The following TMEM178B variants were observed in gnomAD, a reference collection of about 807,000 sequenced individuals.
TMEM178B encodes transmembrane protein 178B.
A neutral mutation model predicts 31.0 loss-of-function variants in TMEM178B; 5 were observed. The ratio of observed to expected loss-of-function variants is 0.16; its 90% CI spans 0.08 to 0.34. The LOEUF is 0.34. Ranked by LOEUF, TMEM178B falls within the 10% of genes least tolerant of loss-of-function variation. The pLI is 1.00. For missense variants in TMEM178B, 275 were observed against 400.3 expected, an observed-to-expected ratio of 0.69 and a Z score of 2.67; for synonymous variants, 164 against 164.0, an observed-to-expected ratio of 1.00 and a Z score of 0.00.
chr7:141,282,994 A>ACTT (rs1798390295), intron 2 of TMEM178B, among the ~76,000 whole-genome samples: 1 of 152,202 alleles, frequency 6.6e-6, no homozygotes, highest in African/African-American at 2.4e-5. Context: ...TTGGTACAAA[A>ACTT]GTAATTGTAC....
intron 2 of TMEM178B, among the ~76,000 whole-genome samples, chr7:141,361,938 A>G (rs530174733): frequency 1.3e-5 from 2 of 152,332 alleles, no homozygotes; most frequent in African/African-American, 4.8e-5. Flanking sequence ...ACAGACCACA[A>G]ATGGAAATTT....
chr7:141,476,283 C>G lies in TMEM178B; in HGVS notation c.*5497C>G, dbSNP rs765213191. 2.0e-5 allele frequency: 3 copies of G among 152,122 alleles called. No homozygotes were observed. Among genetic ancestry groups the G allele is most frequent in the Non-Finnish European group, 4.4e-5 (3 of 68,026 alleles). The allele number at this position is 152,122 out of a possible 1,614,324, so 9.4% of individuals were successfully genotyped here. ...GCTCCTTATTTTTCTTTACCTATTC[C>G]TAGACTTCCTTTTGTCTAGAGCCAG... On this transcript the variant is annotated 3_prime_UTR_variant, in exon 4 of 4. Transcript: ENST00000565468.
At chr7:141,305,171 C>A (rs73737741) in intron 2 of TMEM178B, among the ~76,000 whole-genome samples, 2,639 of 152,230 alleles carry the variant, frequency 0.017, 80 homozygotes, top group African/African-American at 0.06. Context: ...TTTCCAGCCT[C>A]GGGTTCTACC....
intron 2 of TMEM178B, among the ~76,000 whole-genome samples, chr7:141,332,095 G>A (rs1799309317): frequency 6.6e-6 from 1 of 152,100 alleles, no homozygotes; most frequent in Admixed American, 6.6e-5. Flanking sequence ...CTTCACATCT[G>A]TCATTCGAAG....
At chr7:141,452,296 A>G (rs1003025626) in intron 3 of TMEM178B, among the ~76,000 whole-genome samples, 1 of 152,126 alleles carries the variant, frequency 6.6e-6, no homozygotes, top group Admixed American at 6.5e-5. Flanking sequence ...CTTTCTCTAT[A>G]TACGTTATGC....
At chr7:141,225,694 C>A (rs1797331071) in intron 2 of TMEM178B, among the ~76,000 whole-genome samples, 1 of 152,198 alleles carries the variant, frequency 6.6e-6, no homozygotes, top group South Asian at 2.1e-4. Flanking sequence ...CCTACCCCAG[C>A]TACATCTGTC....
chr7:141,413,817 TTTG>T (rs1801047914), intron 2 of TMEM178B, among the ~76,000 whole-genome samples: 2 of 148,452 alleles, frequency 1.3e-5, no homozygotes, highest in Non-Finnish European at 3.0e-5. Context: ...TATTTTCCTC[TTTG>T]ATGTAAGAGC....
chr7:141,232,741 C>T (rs1797467414), intron 2 of TMEM178B, among the ~76,000 whole-genome samples: 1 of 152,174 alleles, frequency 6.6e-6, no homozygotes. Flanking sequence ...AGAAAGCTTT[C>T]CCTGGCTCCA....
intron 1 of TMEM178B, among the ~76,000 whole-genome samples, chr7:141,163,823 A>G (rs530390553): frequency 1.1e-4 from 17 of 152,338 alleles, no homozygotes; most frequent in African/African-American, 3.1e-4. Flanking sequence ...AGCAAACAGC[A>G]TATTTTAAGC....
At chr7:141,241,808 G>A (rs370397590) in intron 2 of TMEM178B, among the ~76,000 whole-genome samples, 29 of 151,990 alleles carry the variant, frequency 1.9e-4, no homozygotes, top group African/African-American at 7.0e-4. Flanking sequence ...AAAAAGGAAT[G>A]GGTTGACTTA....
At chr7:141,311,094 A>G (rs886634869) in intron 2 of TMEM178B, among the ~76,000 whole-genome samples, 2 of 152,262 alleles carry the variant, frequency 1.3e-5, no homozygotes, top group African/African-American at 4.8e-5. Context: ...CGGGAGCTGA[A>G]CAATGAGAAC....
intron 1 of TMEM178B, among the ~76,000 whole-genome samples, chr7:141,106,204 T>C (rs1263439436): frequency 6.6e-6 from 1 of 152,182 alleles, no homozygotes; most frequent in Non-Finnish European, 1.5e-5. Context: ...TAGTTGTTTT[T>C]TGACAGTTCC....
chr7:141,263,903 T>A (rs1798054807), intron 2 of TMEM178B, among the ~76,000 whole-genome samples: 1 of 152,204 alleles, frequency 6.6e-6, no homozygotes, highest in Admixed American at 6.5e-5. Flanking sequence ...TTATTACAGT[T>A]GAATAATACA....
chr7:141,138,019 G>C lies in TMEM178B; in HGVS notation c.382+63327G>C, dbSNP rs542273876. Among the ~76,000 whole-genome samples the C allele has an allele frequency of 1.1e-4, 16 of 151,934 alleles. 1 individual carries two copies. The highest frequency in any genetic ancestry group is 9.8e-4 in the Admixed American group (15 of 15,256). On this transcript the variant is annotated intron_variant, in intron 1 of 3. Coordinates refer to ENST00000565468, the MANE Select transcript of TMEM178B (RefSeq NM_001195278.2). ...GCATATTAGTAAAGATTTGTTTCTT[G>C]GCTTAAGGTGCTCTTATTTTCATGA...
At chr7:141,173,837 A>G (rs759387164) in intron 1 of TMEM178B, among the ~76,000 whole-genome samples, 1 of 152,178 alleles carries the variant, frequency 6.6e-6, no homozygotes, top group Non-Finnish European at 1.5e-5. Context: ...ACTCAACTCC[A>G]TATATAGACT....
intron 1 of TMEM178B, among the ~76,000 whole-genome samples, chr7:141,143,622 TTATAA>T: frequency 6.6e-6 from 1 of 152,348 alleles, no homozygotes; most frequent in East Asian, 1.9e-4. Flanking sequence ...TGCTGTAGGC[TTATAA>T]TATAGTTTAA....
chr7:141,088,049 G>T (rs1794816345), intron 1 of TMEM178B, among the ~76,000 whole-genome samples: 1 of 152,148 alleles, frequency 6.6e-6, no homozygotes, highest in Non-Finnish European at 1.5e-5. Context: ...TGGGCTGAAG[G>T]TCCCAGGTGG....
rs565828862 is a variant in TMEM178B, at chr7:141,236,342, G to A, written c.496+23638G>A. ...GAAAGAGAGGAGAAAGCAGGTGCTT[G>A]TGTGCAAGTGGGGTGGGGTTACCAG... On this transcript the variant is annotated intron_variant, in intron 2 of 3. Transcript: ENST00000565468. Among the ~76,000 whole-genome samples the A allele has an allele frequency of 9.2e-5, 14 of 152,292 alleles. No homozygotes were observed. In the South Asian group the frequency reaches 2.9e-3, roughly 32 times the overall value.
chr7:141,448,782 A>T (rs1801807893), intron 3 of TMEM178B, among the ~76,000 whole-genome samples: 1 of 152,136 alleles, frequency 6.6e-6, no homozygotes, highest in South Asian at 2.1e-4. Flanking sequence ...CCAGGCTCAG[A>T]CTGGGACCCC....
Sources: allele counts gnomAD v4.1 joint callset (sites outside exome capture counted in the v4.1 genomes callset), GRCh38; gene constraint gnomAD v4.1.1; transcripts MANE v1.5; gene names NCBI Gene and HGNC (gene_info 2026-07-23, HGNC 2026-07-21).